Variants in IGSF21 observed in about 807,000 individuals in gnomAD.
The protein encoded by IGSF21 is immunoglobulin superfamily member 21.
A neutral mutation model predicts 46.8 loss-of-function variants in IGSF21; 28 were observed. The ratio of observed to expected loss-of-function variants is 0.60; its 90% CI spans 0.44 to 0.82. IGSF21 has a LOEUF of 0.82. Ranked by LOEUF, IGSF21 falls within the 40% of genes least tolerant of loss-of-function variation. The pLI is 0.00. For missense variants in IGSF21, 624 were observed against 665.5 expected (o/e 0.94, Z 0.69); for synonymous variants, 284 against 273.6 (o/e 1.04, Z -0.38).
chr1:18,125,450 G>A (rs1360501651), intron 1 of IGSF21, among the ~76,000 whole-genome samples: 1 of 152,088 alleles, frequency 6.6e-6, no homozygotes, highest in African/African-American at 2.4e-5. Flanking sequence ...TCTGGGGTCT[G>A]GAGGACAGAT....
intron 2 of IGSF21, among the ~76,000 whole-genome samples, chr1:18,228,941 C>T (rs1394750483): frequency 6.6e-6 from 1 of 152,192 alleles, no homozygotes; most frequent in Non-Finnish European, 1.5e-5. Context: ...GTCAATGAAA[C>T]TTTACTCATG....
At chr1:18,292,017 C>T (rs377259942) in intron 3 of IGSF21, 30 bp downstream of exon 3, 59 of 1,065,968 alleles carry the variant, frequency 5.5e-5, no homozygotes, top group African/African-American at 2.3e-4. Flanking sequence ...GGGCCGACAG[C>T]GGGGGAAGGG....
At chr1:18,182,340 C>A (rs553935882) in intron 1 of IGSF21, among the ~76,000 whole-genome samples, 23 of 152,176 alleles carry the variant, frequency 1.5e-4, no homozygotes, top group African/African-American at 5.3e-4. Context: ...CCACATCCGG[C>A]TAATTTTTTT....
chr1:18,357,929 T>C (rs996500688), intron 4 of IGSF21, among the ~76,000 whole-genome samples: 4 of 152,186 alleles, frequency 2.6e-5, no homozygotes, highest in East Asian at 1.9e-4. Context: ...TATTGTCTTA[T>C]GAGCTTGATT....
chr1:18,176,925 A>G (rs749918), intron 1 of IGSF21, among the ~76,000 whole-genome samples: 15,492 of 152,170 alleles, frequency 0.1, 986 homozygotes, highest in African/African-American at 0.18. Flanking sequence ...TTGAGCTCCT[A>G]TTTGCTGGGC....
chr1:18,157,864 G>T (rs532774428), intron 1 of IGSF21, among the ~76,000 whole-genome samples: 4 of 152,122 alleles, frequency 2.6e-5, no homozygotes, highest in African/African-American at 9.6e-5. Context: ...GCTCCCATAG[G>T]GTCTCCTCCA....
chr1:18,355,939 G>A (rs1376205454), intron 4 of IGSF21, among the ~76,000 whole-genome samples: 1 of 148,554 alleles, frequency 6.7e-6, no homozygotes, highest in Non-Finnish European at 1.5e-5. Flanking sequence ...GGGTTCAAGC[G>A]ATTCTCCTGC....
At position 18,252,044 on chromosome 1, in the gene IGSF21, C is replaced by CTTTTTTTTTT. The variant is rs1557608067; in HGVS notation, c.183+24034_183+24035insTTTTTTTTTT. On this transcript the variant is annotated intron_variant, in intron 2 of 9. Coordinates refer to ENST00000251296, the MANE Select transcript of IGSF21 (RefSeq NM_032880.5). ...AGGCTGGAACACTTTCTGACCAAGG[C>CTTTTTTTTTT]GTTTTTTTTTTTTTTTTTTTTTTTG... 7.1e-5 allele frequency among the ~76,000 whole-genome samples: 7 copies of CTTTTTTTTTT among 98,982 alleles called. 1 individual carries two copies. The highest frequency in any genetic ancestry group is 2.1e-5 in the Non-Finnish European group (1 of 48,728). 64.9% of individuals were successfully genotyped at this position (98,982 alleles called of 152,430 possible). A position where few individuals can be genotyped will look rare whatever the true frequency, so the allele number is the denominator to read the frequency against.
At chr1:18,257,902 G>A (rs1219702091) in intron 2 of IGSF21, among the ~76,000 whole-genome samples, 3 of 152,110 alleles carry the variant, frequency 2.0e-5, no homozygotes, top group Non-Finnish European at 4.4e-5. Context: ...AGTCTTCTGA[G>A]AGCCCCGTGG....
At chr1:18,355,303 TGCTGCATTGTCTCC>T (rs2086004047) in intron 4 of IGSF21, among the ~76,000 whole-genome samples, 2 of 152,252 alleles carry the variant, frequency 1.3e-5, no homozygotes, top group South Asian at 4.1e-4. Context: ...AAAGAGGAGC[TGCTGCATTGTCTCC>T]GAAGTGAGTT....
chr1:18,178,209 C>T (rs891502249), intron 1 of IGSF21, among the ~76,000 whole-genome samples: 4 of 152,166 alleles, frequency 2.6e-5, no homozygotes, highest in African/African-American at 9.7e-5. Context: ...CGCAGGCCAG[C>T]CCCAAAATGC....
intron 2 of IGSF21, among the ~76,000 whole-genome samples, chr1:18,254,357 AAACCCTAACCCT>A (rs146760306): frequency 1.5e-3 from 227 of 147,864 alleles, no homozygotes; most frequent in East Asian, 7.2e-3. Flanking sequence ...GAATGGCTCA[AAACCCTAACCCT>A]AACCCTAACC....
intron 2 of IGSF21, among the ~76,000 whole-genome samples, chr1:18,237,347 G>A (rs1383708618): frequency 6.6e-6 from 1 of 152,120 alleles, no homozygotes; most frequent in East Asian, 1.9e-4. Context: ...GGACAGGTGG[G>A]CCCACTCCCC....
At chr1:18,110,413 C>G (rs1382730834) in intron 1 of IGSF21, 1 of 152,364 alleles carries the variant, frequency 6.6e-6, no homozygotes, top group African/African-American at 2.4e-5. Context: ...GGCGCCCTTC[C>G]TGGAGGTGGC....
At chr1:18,221,900 G>T (rs79197630) in intron 1 of IGSF21, among the ~76,000 whole-genome samples, 14,057 of 152,160 alleles carry the variant, frequency 0.092, 784 homozygotes, top group East Asian at 0.14. Context: ...TGGCCTCCCA[G>T]GTTCAGGCTC....
chr1:18,157,648 C>T (rs1023061199), intron 1 of IGSF21, among the ~76,000 whole-genome samples: 3 of 152,180 alleles, frequency 2.0e-5, no homozygotes, highest in Non-Finnish European at 4.4e-5. Context: ...AAGTCCAGCC[C>T]GTCTTCCTCC....
At chr1:18,165,021 G>T (rs189924420) in intron 1 of IGSF21, among the ~76,000 whole-genome samples, 1 of 151,788 alleles carries the variant, frequency 6.6e-6, no homozygotes, top group East Asian at 1.9e-4. Context: ...TGCTGAGAAT[G>T]ATGGTTTCCA....
At chr1:18,170,618 G>A (rs2086727444) in intron 1 of IGSF21, among the ~76,000 whole-genome samples, 1 of 151,994 alleles carries the variant, frequency 6.6e-6, no homozygotes, top group South Asian at 2.1e-4. Flanking sequence ...TACAGATGGA[G>A]GAAGTAAAGC....
At chr1:18,333,434 C>T (rs1180918130) in intron 3 of IGSF21, among the ~76,000 whole-genome samples, 1 of 152,186 alleles carries the variant, frequency 6.6e-6, no homozygotes, top group Non-Finnish European at 1.5e-5. Flanking sequence ...TCGCAGGACC[C>T]AGGAAAAACA....
Sources: allele counts gnomAD v4.1 joint callset (sites outside exome capture counted in the v4.1 genomes callset), GRCh38; gene constraint gnomAD v4.1.1; transcripts MANE v1.5; gene names NCBI Gene and HGNC (gene_info 2026-07-23, HGNC 2026-07-21).